The following IL18RAP variants were observed in gnomAD, a reference collection of about 807,000 sequenced individuals.
The protein encoded by IL18RAP is interleukin-18 receptor accessory protein.
Under a neutral mutation model 58.1 loss-of-function variants are expected in IL18RAP, and 37 were observed. That is an observed-to-expected ratio of 0.64 (90% CI 0.49 to 0.84). The LOEUF is 0.84. Among genes scored for constraint, IL18RAP ranks in the 40% least tolerant of loss-of-function variants. IL18RAP has a pLI of 0.00. For synonymous variants in IL18RAP, 268 were observed against 257.5 expected, an observed-to-expected ratio of 1.04 and a Z score of -0.39; for missense variants, 667 against 704.8, an observed-to-expected ratio of 0.95 and a Z score of 0.61.
chr2:102,429,864 T>G (rs1368388233), intron 3 of IL18RAP, among the ~76,000 whole-genome samples: 1 of 152,042 alleles, frequency 6.6e-6, no homozygotes, highest in Non-Finnish European at 1.5e-5. Context: ...TCTGCATATG[T>G]GCATATTTTC....
chr2:102,420,573 G>C (rs974838375), upstream of IL18RAP, among the ~76,000 whole-genome samples: 1 of 152,152 alleles, frequency 6.6e-6, no homozygotes, highest in Non-Finnish European at 1.5e-5. Flanking sequence ...GCTGGGCATC[G>C]TGGTAACTAA....
chr2:102,430,110 T>C lies in IL18RAP; in HGVS notation c.579+5696T>C, dbSNP rs147250074. On this transcript the variant is annotated intron_variant, in intron 3 of 9. Coordinates refer to ENST00000687160, the MANE Select transcript of IL18RAP (RefSeq NM_001393487.1). ...CAAAAGCGTAATTCAAGGCCAATTT[T>C]TGAAGTTTATTTTCTGTTTAAATGA... Among the ~76,000 whole-genome samples, 320 of 152,162 alleles carry C rather than the reference T, an allele frequency of 2.1e-3. 2 individuals carry two copies. Among genetic ancestry groups the C allele is most frequent in the African/African-American group, 7.1e-3 (297 of 41,558 alleles).
chr2:102,431,979 A>C (rs1182950783), intron 3 of IL18RAP, among the ~76,000 whole-genome samples: 1 of 152,010 alleles, frequency 6.6e-6, no homozygotes, highest in African/African-American at 2.4e-5. Context: ...TGATGGTGAC[A>C]TATTTCCTTG....
At chr2:102,445,935 A>G (rs969592282) in intron 7 of IL18RAP, among the ~76,000 whole-genome samples, 4 of 152,236 alleles carry the variant, frequency 2.6e-5, no homozygotes, top group African/African-American at 7.2e-5. Context: ...ATAGATAACT[A>G]TAGTTATAAG....
Position 102,442,125 on chromosome 2 carries a change from C to T in IL18RAP, c.796+748C>T, listed in dbSNP as rs1398194815. ...GAGAACTGTAGTAGAATTCTACAAC[C>T]CCTGCCCAAACAATTTGTATTCCAA... On this transcript the variant is annotated intron_variant, in intron 5 of 9. Transcript: ENST00000687160. Among the ~76,000 whole-genome samples the T allele has an allele frequency of 1.3e-5, 2 of 152,034 alleles. 1 individual carries two copies. The highest frequency in any genetic ancestry group is 2.9e-5 in the Non-Finnish European group (2 of 67,998).
chr2:102,433,360 C>G (rs1237138413), intron 3 of IL18RAP, among the ~76,000 whole-genome samples: 1 of 152,134 alleles, frequency 6.6e-6, no homozygotes, highest in African/African-American at 2.4e-5. Flanking sequence ...GTAGTTGGGA[C>G]TACAGGCACA....
intron 9 of IL18RAP, among the ~76,000 whole-genome samples, chr2:102,451,258 G>T (rs1474452361): frequency 6.6e-6 from 1 of 152,186 alleles, no homozygotes; most frequent in Admixed American, 6.5e-5. Flanking sequence ...CTAGGACAAA[G>T]ATACCTCTCC....
chr2:102,447,221 C>A lies in IL18RAP; in HGVS notation c.1210+14C>A, dbSNP rs770527951. On this transcript the variant is annotated intron_variant, in intron 8 of 9. Transcript: ENST00000687160. The stretch of plus-strand genomic sequence containing the variant: ...AGACGCTTGGGGGTAAGTTTACCTC[C>A]ACATGCAGCCCTCTGACTTTTCCTC... 3 of 1,610,976 alleles carry A rather than the reference C, an allele frequency of 1.9e-6. No homozygotes were observed. In the African/African-American group the frequency reaches 4.0e-5, roughly 22 times the overall value.
At chr2:102,419,817 A>G (rs1681458084), upstream of IL18RAP, 1 of 152,288 alleles carries the variant, frequency 6.6e-6, no homozygotes, top group Non-Finnish European at 1.5e-5. Context: ...TATCATTGAG[A>G]ATGGGCACTG....
At chr2:102,431,748 T>C (rs2104323488) in intron 3 of IL18RAP, among the ~76,000 whole-genome samples, 1 of 152,058 alleles carries the variant, frequency 6.6e-6, no homozygotes, top group South Asian at 2.1e-4. Context: ...ATACCCACAC[T>C]TCAGGGAGAA....
chr2:102,437,220 ACTC>A lies in IL18RAP; in HGVS notation c.592_594del (p.Leu198del). 1 of 1,606,392 alleles carries A rather than the reference ACTC, an allele frequency of 6.2e-7. No individual in the cohort carries two copies. The highest frequency in any genetic ancestry group is 8.5e-7 in the Non-Finnish European group (1 of 1,177,148). On this transcript the variant is annotated inframe_deletion, in exon 4 of 10. Transcript: ENST00000687160. ...AATATCTTTTGGATTAGAATGGAAA[ACTC>A]CTCTCTGTGGAAAGGAGCAACCGAA...
chr2:102,433,583 G>T (rs1008470457), intron 3 of IL18RAP, among the ~76,000 whole-genome samples: 8 of 151,512 alleles, frequency 5.3e-5, no homozygotes, highest in Non-Finnish European at 4.4e-5. Flanking sequence ...AGGCTAGAGC[G>T]CATCTAGCTC....
chr2:102,427,606 T>A (rs140259673), intron 3 of IL18RAP, among the ~76,000 whole-genome samples: 2 of 152,278 alleles, frequency 1.3e-5, no homozygotes, highest in Admixed American at 1.3e-4. Flanking sequence ...TCCTTATATA[T>A]TCTTCACATT....
At chr2:102,436,966 G>T (rs1682788065) in intron 3 of IL18RAP, among the ~76,000 whole-genome samples, 1 of 152,042 alleles carries the variant, frequency 6.6e-6, no homozygotes. Context: ...CTGTTTAGGG[G>T]CTGATCAGGT....
rs562677377 is a variant in IL18RAP at position 102,427,866 on chromosome 2, G to C, written c.579+3452G>C. Reference sequence around the variant, plus strand: ...TTCATTCTTTAACCCATTTTGAATTGATGGGTTGTATGTGCTATGAGATAC... The same window carrying C: ...TTCATTCTTTAACCCATTTTGAATTCATGGGTTGTATGTGCTATGAGATAC... On this transcript the variant is annotated intron_variant, in intron 3 of 9. Coordinates refer to ENST00000687160, the MANE Select transcript of IL18RAP (RefSeq NM_001393487.1). 2.0e-5 allele frequency among the ~76,000 whole-genome samples: 3 copies of C among 151,854 alleles called. No homozygotes were observed. The East Asian group carries it at 5.8e-4, about 29-fold the overall frequency.
At chr2:102,431,308 T>C (rs1682336419) in intron 3 of IL18RAP, among the ~76,000 whole-genome samples, 1 of 152,232 alleles carries the variant, frequency 6.6e-6, no homozygotes, top group Non-Finnish European at 1.5e-5. Flanking sequence ...GGGACTTTCT[T>C]GAACATGATA....
rs371835232 is a variant in IL18RAP, at chr2:102,424,399, G to C, written c.564G>C (p.Ala188=). The change falls in exon 3 of 10, where the codon GCG becomes GCC. Residue 188 remains alanine, a synonymous_variant. Transcript: ENST00000687160. ...LSCQSDAQSP[A]VTWYKNGKLL... is the part of the protein sequence containing the mutation. ...GCCAAAGTGATGCACAAAGTCCAGC[G>C]GTAACCTGGTACAAGGTAAGAGTGA... 6.2e-7 allele frequency: 1 copy of C among 1,613,714 alleles called. No homozygotes were observed. Among genetic ancestry groups the C allele is most frequent in the Non-Finnish European group, 8.5e-7 (1 of 1,179,772 alleles).
intron 3 of IL18RAP, among the ~76,000 whole-genome samples, chr2:102,427,074 A>C (rs990844687): frequency 2.0e-5 from 3 of 152,130 alleles, no homozygotes; most frequent in African/African-American, 7.2e-5. Flanking sequence ...GTTCTCCCAC[A>C]TGATTGAATT....
rs144417893 is a variant in IL18RAP, at chr2:102,452,199, C to G, written c.*18C>G. 573 of 1,574,072 alleles carry G rather than the reference C, an allele frequency of 3.6e-4. 2 individuals carry two copies. In the African/African-American group the frequency reaches 6.8e-3, roughly 19 times the overall value. ...AATGGTGAAATGAGCCCTGGAGCCC[C>G]CTCCAGTCCAGTCCCTGGGATAGAG... On this transcript the variant is annotated 3_prime_UTR_variant, in exon 10 of 10. Transcript: ENST00000687160.
Sources: gnomAD v4.1 joint callset for allele counts (sites outside exome capture counted in the v4.1 genomes callset) on GRCh38, gnomAD v4.1.1 for gene constraint, MANE v1.5 for transcripts, NCBI Gene and HGNC (gene_info 2026-07-23, HGNC 2026-07-21) for gene names.